The following EIF2AK1 variants were observed in gnomAD, a reference collection of about 807,000 sequenced individuals.
EIF2AK1 encodes eukaryotic translation initiation factor 2 alpha kinase 1.
EIF2AK1 carries 54 observed loss-of-function variants against 77.9 expected under a neutral mutation model. The ratio of observed to expected loss-of-function variants is 0.69; its 90% CI spans 0.56 to 0.87. The LOEUF (loss-of-function observed/expected upper bound fraction) is 0.87, where lower values mean the gene tolerates loss of function less well. Among genes scored for constraint, EIF2AK1 ranks in the 40% least tolerant of loss-of-function variants. EIF2AK1 has a pLI of 0.00. For synonymous variants in EIF2AK1, 314 were observed against 290.5 expected (o/e 1.08, Z -0.82); for missense variants, 810 against 768.6 (o/e 1.05, Z -0.64).
intron 1 of EIF2AK1, among the ~76,000 whole-genome samples, chr7:6,056,702 C>T (rs1490026618): frequency 2.7e-5 from 4 of 146,496 alleles, no homozygotes; most frequent in African/African-American, 1.0e-4. Flanking sequence ...ACAGTATTCT[C>T]GGTAACCCAG....
chr7:6,059,158 G>T lies in EIF2AK1; in HGVS notation c.-75C>A. 9.5e-7 allele frequency: 1 copy of T among 1,049,116 alleles called. No homozygotes were observed. Among genetic ancestry groups the T allele is most frequent in the Non-Finnish European group, 1.3e-6 (1 of 790,674 alleles). 65.0% of individuals were successfully genotyped at this position (1,049,116 alleles called of 1,614,324 possible). On this transcript the variant is annotated 5_prime_UTR_variant, in exon 1 of 15. Coordinates refer to ENST00000199389, the MANE Select transcript of EIF2AK1 (RefSeq NM_014413.4). ...GCCACACTCCGATGCTGCAGCTAGC[G>T]CCGTCCGACCCGGAAGTAACCCCTC...
chr7:6,029,647 C>G (rs1457755390), intron 11 of EIF2AK1, among the ~76,000 whole-genome samples: 1 of 152,118 alleles, frequency 6.6e-6, no homozygotes, highest in Non-Finnish European at 1.5e-5. Context: ...ACAAGTGCTT[C>G]CCAACCCTTA....
rs958258141 is a variant in EIF2AK1, at chr7:6,032,010, C to T, written c.1333-2978G>A. Among the ~76,000 whole-genome samples the T allele has an allele frequency of 3.9e-5, 6 of 152,094 alleles. No individual in the cohort carries two copies. The highest frequency in any genetic ancestry group is 9.7e-5 in the African/African-American group (4 of 41,412). On this transcript the variant is annotated intron_variant, in intron 11 of 14. Coordinates refer to ENST00000199389, the MANE Select transcript of EIF2AK1 (RefSeq NM_014413.4). This position sits in a 1 kb window ranked among gnomAD's most constrained non-coding sequence, Gnocchi z 4.3. ...CCAGCAGGGCAAAACCCCGTCTCTA[C>T]TAAAAATACAAAAATTAGCCGGGCT...
At position 6,046,071 on chromosome 7, in the gene EIF2AK1, C is replaced by A; in HGVS notation, c.630G>T (p.Lys210Asn). The A allele has an allele frequency of 6.6e-7, 1 of 1,525,458 alleles. No homozygotes were observed. The highest frequency in any genetic ancestry group is 8.9e-7 in the Non-Finnish European group (1 of 1,125,516). 94.5% of individuals were successfully genotyped at this position (1,525,458 alleles called of 1,614,324 possible). A position where few individuals can be genotyped will look rare whatever the true frequency, so the allele number is the denominator to read the frequency against. Residue 210 changes from lysine (K) to asparagine (N), a missense_variant and splice_region_variant, in exon 6 of 15, where the codon AAG becomes AAT. Around this residue, in one of 3 missense-constraint regions of EIF2AK1, gnomAD observed 549 missense variants for 533.7 expected, o/e 1.03. Coordinates refer to ENST00000199389, the MANE Select transcript of EIF2AK1 (RefSeq NM_014413.4). ...IKGATKTVCM[K>N]VLREVKVLAG... Reference sequence around the variant, plus strand: ...AATAAGTAATTTTTAAAAATCATACCTTCATGCAAACTGTTTTAGTTGCAC... The same window carrying A: ...AATAAGTAATTTTTAAAAATCATACATTCATGCAAACTGTTTTAGTTGCAC...
At chr7:6,049,754 C>G (rs1432313549) in intron 3 of EIF2AK1, 158 bp downstream of exon 3, 2 of 637,166 alleles carry the variant, frequency 3.1e-6, no homozygotes, top group Non-Finnish European at 5.0e-6. Context: ...TCCCAAAGTG[C>G]TGGGATTAAG....
rs1583471303 is a variant in EIF2AK1 at position 6,024,555 on chromosome 7, C to T, written c.*118G>A. On this transcript the variant is annotated 3_prime_UTR_variant, in exon 15 of 15. Coordinates refer to ENST00000199389, the MANE Select transcript of EIF2AK1 (RefSeq NM_014413.4). Reference sequence around the variant, plus strand: ...GGAACGGCAGCTTGGGGCACTCTGACATCTTTAACAAGTCTTGTAAAGGCT... The same window carrying T: ...GGAACGGCAGCTTGGGGCACTCTGATATCTTTAACAAGTCTTGTAAAGGCT... The T allele has an allele frequency of 3.3e-6, 5 of 1,521,620 alleles. No homozygotes were observed. Among genetic ancestry groups the T allele is most frequent in the African/African-American group, 1.4e-5 (1 of 71,030 alleles). The allele number at this position is 1,521,620 out of a possible 1,614,324, so 94.3% of individuals were successfully genotyped here.
At chr7:6,051,834 A>G (rs1240341896) in intron 2 of EIF2AK1, among the ~76,000 whole-genome samples, 3 of 152,168 alleles carry the variant, frequency 2.0e-5, no homozygotes, top group African/African-American at 7.2e-5. Flanking sequence ...TTATCAACTC[A>G]CTGATTACAT....
rs1787926427 is a variant in EIF2AK1, at chr7:6,032,029, C to G, written c.1333-2997G>C. Among the ~76,000 whole-genome samples the G allele has an allele frequency of 6.6e-6, 1 of 152,042 alleles. No homozygotes were observed. The highest frequency in any genetic ancestry group is 2.1e-4 in the South Asian group (1 of 4,824). On this transcript the variant is annotated intron_variant, in intron 11 of 14. Transcript: ENST00000199389. This position sits in a 1 kb window ranked among gnomAD's most constrained non-coding sequence, Gnocchi z 4.3. The stretch of plus-strand genomic sequence containing the variant: ...TCTCTACTAAAAATACAAAAATTAG[C>G]CGGGCTTGGTGGCAGGAGCCTGTAA...
At chr7:6,040,835 A>T (rs926218209) in intron 9 of EIF2AK1, 57 bp downstream of exon 9, 2 of 1,404,820 alleles carry the variant, frequency 1.4e-6, no homozygotes, top group African/African-American at 2.8e-5. Flanking sequence ...AGAAGGCCAC[A>T]CACCTGCACA....
intron 11 of EIF2AK1, among the ~76,000 whole-genome samples, chr7:6,037,090 G>C (rs980943326): frequency 6.6e-6 from 1 of 152,024 alleles, no homozygotes. Flanking sequence ...AATTAGCTGG[G>C]CATGGTAGCA....
Position 6,035,958 on chromosome 7 carries a change from A to C in EIF2AK1, c.1332+1466T>G, listed in dbSNP as rs1298019663. 5.2e-6 allele frequency: 8 copies of C among 1,549,656 alleles called. No homozygotes were observed. The highest frequency in any genetic ancestry group is 7.0e-6 in the Non-Finnish European group (8 of 1,146,306). On this transcript the variant is annotated intron_variant, in intron 11 of 14. Coordinates refer to ENST00000199389, the MANE Select transcript of EIF2AK1 (RefSeq NM_014413.4). The surrounding 1 kb of genome is among the most constrained non-coding windows in gnomAD (Gnocchi z 5.5). Reference sequence around the variant, plus strand: ...AGCCAAAGTCAACGCCCAGGACTACAAGGGCCAAACAGCCATCCATGAGGC... The same window carrying C: ...AGCCAAAGTCAACGCCCAGGACTACCAGGGCCAAACAGCCATCCATGAGGC...
chr7:6,035,408 G>T lies in EIF2AK1; in HGVS notation c.1332+2016C>A. 2.0e-6 allele frequency: 3 copies of T among 1,522,460 alleles called. No individual in the cohort carries two copies. The highest frequency in any genetic ancestry group is 2.5e-5 in the East Asian group (1 of 40,474). The allele number at this position is 1,522,460 out of a possible 1,614,324, so 94.3% of individuals were successfully genotyped here. The stretch of plus-strand genomic sequence containing the variant: ...GTCCACGTAGAGCCGTTCCCACTGT[G>T]AATTCAGTGTAACGTGTAATCAATA... On this transcript the variant is annotated intron_variant, in intron 11 of 14. Transcript: ENST00000199389. This position sits in a 1 kb window ranked among gnomAD's most constrained non-coding sequence, Gnocchi z 5.5.
In EIF2AK1 at chr7:6,038,966, AG is replaced by A. The variant is rs749694298; in HGVS notation, c.1120-296del. Among the ~76,000 whole-genome samples, 13 of 152,276 alleles carry A rather than the reference AG, an allele frequency of 8.5e-5. No homozygotes were observed. In the East Asian group the frequency reaches 1.5e-3, roughly 18 times the overall value. The stretch of plus-strand genomic sequence containing the variant: ...AGTCAGGCAGGGGTCCAATGGCAGA[AG>A]CTCTCAACTGTGACCCGGAGAAACT... On this transcript the variant is annotated intron_variant, in intron 9 of 14. Transcript: ENST00000199389.
chr7:6,040,010 G>A (rs934682243), intron 9 of EIF2AK1, among the ~76,000 whole-genome samples: 16 of 152,016 alleles, frequency 1.1e-4, no homozygotes, highest in African/African-American at 2.4e-5. Flanking sequence ...CTTTGTAGAT[G>A]GTATATACAG....
At chr7:6,026,618 C>T in intron 14 of EIF2AK1, 110 bp downstream of exon 14, 1 of 836,468 alleles carries the variant, frequency 1.2e-6, no homozygotes, top group Non-Finnish European at 2.0e-6. Context: ...GAACCATCAT[C>T]TGGCTCTTCC....
intron 11 of EIF2AK1, chr7:6,031,585 G>A (rs1488918836): frequency 1.1e-5 from 17 of 1,550,678 alleles, no homozygotes; most frequent in Non-Finnish European, 1.5e-5. Context: ...GATTACTTCT[G>A]ACCCAGGTAC....
At chr7:6,056,614 A>AAAAAATATAAATATATATATT (rs1562761769) in intron 1 of EIF2AK1, among the ~76,000 whole-genome samples, 1 of 53,472 alleles carries the variant, frequency 1.9e-5, no homozygotes, top group Non-Finnish European at 3.6e-5. Flanking sequence ...AAAAAAAAAA[A>AAAAAATATAAATATATATATT]TATATATATA....
chr7:6,048,996 C>T (rs1240567441), intron 3 of EIF2AK1, 152 bp from the exon 4 acceptor site: 1 of 575,770 alleles, frequency 1.7e-6, no homozygotes, highest in Non-Finnish European at 3.0e-6. Flanking sequence ...GAGTTTACAA[C>T]TGAAAATACT....
chr7:6,042,849 G>A, intron 8 of EIF2AK1, 84 bp downstream of exon 8: 3 of 1,187,912 alleles, frequency 2.5e-6, no homozygotes, highest in South Asian at 1.3e-5. Flanking sequence ...CTGGGTGACA[G>A]AGCGAGACTC....
Sources: allele counts gnomAD v4.1 joint callset (sites outside exome capture counted in the v4.1 genomes callset), GRCh38; gene constraint gnomAD v4.1.1; regional missense constraint gnomAD v4.1.1; non-coding constraint Gnocchi (gnomAD v3.1); transcripts MANE v1.5; gene names NCBI Gene and HGNC (gene_info 2026-07-23, HGNC 2026-07-21).